The following NIPAL3 variants were observed in gnomAD, a reference collection of about 807,000 sequenced individuals.
The protein encoded by NIPAL3 is NIPA like domain containing 3.
NIPAL3 carries 41 observed loss-of-function variants against 47.2 expected under a neutral mutation model. That is an observed-to-expected ratio of 0.87 (90% CI 0.68 to 1.13). The LOEUF (loss-of-function observed/expected upper bound fraction) is 1.13, where lower values mean the gene tolerates loss of function less well. Ranked by LOEUF, NIPAL3 falls within the 50% of genes most tolerant of loss-of-function variation. The probability of loss-of-function intolerance (pLI) is 0.00; values close to 1 mark genes in which losing one functional copy is unlikely to be tolerated. For synonymous variants in NIPAL3, 194 were observed against 209.6 expected, an observed-to-expected ratio of 0.93 and a Z score of 0.64; for missense variants, 449 against 530.1, an observed-to-expected ratio of 0.85 and a Z score of 1.50.
chr1:24,466,838 C>A lies in NIPAL3; in HGVS notation c.1022-2148C>A, dbSNP rs11249118. 4.6e-5 allele frequency among the ~76,000 whole-genome samples: 7 copies of A among 152,230 alleles called. 1 individual carries two copies. In the East Asian group the frequency reaches 1.4e-3, roughly 29 times the overall value. ...CAGCTCTTCCACTTCCCTCTTCTGC[C>A]CTCCCCCAAAATCCAAAGCACAGAC... On this transcript the variant is annotated intron_variant, in intron 11 of 11. Coordinates refer to ENST00000374399, the MANE Select transcript of NIPAL3 (RefSeq NM_020448.5).
chr1:24,420,621 T>G (rs889229301), intron 2 of NIPAL3, among the ~76,000 whole-genome samples: 1 of 152,340 alleles, frequency 6.6e-6, no homozygotes, highest in East Asian at 1.9e-4. Context: ...TATTATAAAT[T>G]TGGGGTCACA....
chr1:24,434,792 CAA>C (rs566019108), intron 2 of NIPAL3, among the ~76,000 whole-genome samples: 192 of 152,000 alleles, frequency 1.3e-3, no homozygotes, highest in African/African-American at 4.5e-3. Flanking sequence ...TTCACAAAAA[CAA>C]AGTGGGAAAT....
rs1326668272 is a variant in NIPAL3 at position 24,456,205 on chromosome 1, G to A, written c.705G>A (p.Leu235=). The part of the protein sequence containing the change: ...GMLVLSIQGN[L]QLDYPIFYVM... ...TTGTCTTGTCCATTCAAGGGAACCT[G>A]CAGCTTGACTACCCCATCTTCTACG... Residue 235 remains leucine, a synonymous_variant, in exon 8 of 12, where the codon CTG becomes CTA. Transcript: ENST00000374399. 1 of 1,614,210 alleles carries A rather than the reference G, an allele frequency of 6.2e-7. No individual in the cohort carries two copies. The highest frequency in any genetic ancestry group is 1.7e-5 in the Admixed American group (1 of 60,032).
chr1:24,413,654 C>T (rs1032480665), upstream of NIPAL3: 1 of 152,290 alleles, frequency 6.6e-6, no homozygotes, highest in African/African-American at 2.4e-5. Context: ...ACCGGTCCCC[C>T]CGCCGGAACT....
intron 2 of NIPAL3, among the ~76,000 whole-genome samples, chr1:24,424,698 C>G (rs891344497): frequency 6.6e-6 from 1 of 152,130 alleles, no homozygotes; most frequent in Non-Finnish European, 1.5e-5. Context: ...AGAACTCATA[C>G]CTCCCCTTTA....
intron 8 of NIPAL3, among the ~76,000 whole-genome samples, chr1:24,456,630 G>A (rs544691984): frequency 6.6e-6 from 1 of 152,268 alleles, no homozygotes; most frequent in South Asian, 2.1e-4. Flanking sequence ...GGGCATGGTG[G>A]CACATGCCTG....
chr1:24,436,598 C>T lies in NIPAL3; in HGVS notation c.94-3574C>T, dbSNP rs936255081. ...CTGCCTCCTGGGTTCAAGTGATTCT[C>T]CTGCCTCGGCCTCCTGAGTAGCTGG... On this transcript the variant is annotated intron_variant, in intron 2 of 11. Coordinates refer to ENST00000374399, the MANE Select transcript of NIPAL3 (RefSeq NM_020448.5). 3.3e-5 allele frequency among the ~76,000 whole-genome samples: 5 copies of T among 152,074 alleles called. No homozygotes were observed. The South Asian group carries it at 8.3e-4, about 25-fold the overall frequency.
At chr1:24,462,845 C>T (rs536991953) in intron 10 of NIPAL3, among the ~76,000 whole-genome samples, 3 of 152,208 alleles carry the variant, frequency 2.0e-5, no homozygotes, top group African/African-American at 7.2e-5. Context: ...TGCTTGTAAT[C>T]CCAGCACTTT....
intron 10 of NIPAL3, among the ~76,000 whole-genome samples, chr1:24,461,228 T>C (rs1646454320): frequency 6.6e-6 from 1 of 152,116 alleles, no homozygotes; most frequent in Non-Finnish European, 1.5e-5. Flanking sequence ...CACAGATCCA[T>C]GTCTAGAACA....
chr1:24,422,938 T>C (rs1286357024), intron 2 of NIPAL3, among the ~76,000 whole-genome samples: 2 of 152,252 alleles, frequency 1.3e-5, no homozygotes, highest in Non-Finnish European at 2.9e-5. Context: ...AGATGTTAAA[T>C]TTTAATGAAG....
chr1:24,424,581 A>G (rs754315847), intron 2 of NIPAL3, among the ~76,000 whole-genome samples: 5 of 152,212 alleles, frequency 3.3e-5, no homozygotes, highest in African/African-American at 4.8e-5. Context: ...TGCAAGGAGT[A>G]AAAACCCATT....
chr1:24,442,258 G>A (rs1380595682), intron 4 of NIPAL3, 32 bp downstream of exon 4: 9 of 1,604,794 alleles, frequency 5.6e-6, no homozygotes, highest in South Asian at 1.1e-5. Context: ...CCTCCCCTGG[G>A]GTGCTCCCAG....
At chr1:24,458,775 G>A in intron 8 of NIPAL3, 113 bp from the exon 9 acceptor site, 1 of 814,312 alleles carries the variant, frequency 1.2e-6, no homozygotes, top group South Asian at 1.5e-5. Flanking sequence ...AGAAACCCAA[G>A]GAACATTCCT....
chr1:24,460,655 A>C (rs750310149), intron 10 of NIPAL3, 111 bp downstream of exon 10: 12 of 861,378 alleles, frequency 1.4e-5, no homozygotes, highest in Non-Finnish European at 2.0e-5. Context: ...GAGTCAGAGG[A>C]GCTGTGGGGT....
Position 24,445,197 on chromosome 1 carries a change from T to C in NIPAL3, c.347T>C (p.Ile116Thr), listed in dbSNP as rs780702198. ...SAVSVIASAI[I>T]GIIFIKEKWK... is the part of the protein sequence containing the mutation. The stretch of plus-strand genomic sequence containing the variant: ...CTTCATTTTTCAGCTAGTGCCATCA[T>C]AGGAATCATATTCATCAAGGAAAAG... Residue 116 changes from isoleucine (I) to threonine (T), a missense_variant, in exon 5 of 12, where the codon ATA becomes ACA. Physicochemically the swap from Ile to Thr is moderately conservative, Grantham distance 89. Coordinates refer to ENST00000374399, the MANE Select transcript of NIPAL3 (RefSeq NM_020448.5). 1.9e-6 allele frequency: 3 copies of C among 1,611,582 alleles called. No individual in the cohort carries two copies. The highest frequency in any genetic ancestry group is 2.2e-5 in the South Asian group (2 of 90,962).
chr1:24,452,209 A>G (rs1277827002), intron 6 of NIPAL3, among the ~76,000 whole-genome samples: 2 of 152,188 alleles, frequency 1.3e-5, no homozygotes, highest in East Asian at 1.9e-4. Flanking sequence ...TTTAAGGGGT[A>G]GAAAGGAACA....
chr1:24,440,350 C>T lies in NIPAL3; in HGVS notation c.162+110C>T. On this transcript the variant is annotated intron_variant, in intron 3 of 11. Transcript: ENST00000374399. ...TCTGCAGGGCCTTGCCTACTGCATC[C>T]CTGGGCTGCACCTGGGACAATACCT... 3 of 753,108 alleles carry T rather than the reference C, an allele frequency of 4.0e-6. No homozygotes were observed. The East Asian group carries it at 9.2e-5, about 23-fold the overall frequency. The allele number at this position is 753,108 out of a possible 1,614,324, so 46.7% of individuals were successfully genotyped here.
chr1:24,460,504 A>T lies in NIPAL3; in HGVS notation c.886A>T (p.Ile296Phe), dbSNP rs372261800. 6.3e-7 allele frequency: 1 copy of T among 1,587,462 alleles called. No homozygotes were observed. Among genetic ancestry groups the T allele is most frequent in the Non-Finnish European group, 8.5e-7 (1 of 1,169,764 alleles). The change falls in exon 10 of 12, where the codon ATC becomes TTC. Residue 296 changes from isoleucine to phenylalanine, a missense_variant. Physicochemically the swap from Ile to Phe is conservative, Grantham distance 21. Transcript: ENST00000374399. ...TAGAIFYLDF[I>F]GEDVLHICMF... Reference sequence around the variant, plus strand: ...AGGTGCAATATTTTACCTGGACTTCATCGGGGAGGACGTGCTGCACATCTG... The same window carrying T: ...AGGTGCAATATTTTACCTGGACTTCTTCGGGGAGGACGTGCTGCACATCTG...
At chr1:24,430,645 C>A (rs1644836661) in intron 2 of NIPAL3, among the ~76,000 whole-genome samples, 1 of 152,158 alleles carries the variant, frequency 6.6e-6, no homozygotes, top group Non-Finnish European at 1.5e-5. Context: ...CAATCAGAGC[C>A]ACCTTCATTT....
Sources: gnomAD v4.1 joint callset for allele counts (sites outside exome capture counted in the v4.1 genomes callset) on GRCh38, gnomAD v4.1.1 for gene constraint, MANE v1.5 for transcripts, NCBI Gene and HGNC (gene_info 2026-07-23, HGNC 2026-07-21) for gene names.